The following NAA11 variants were observed in gnomAD, a reference collection of about 807,000 sequenced individuals.
NAA11 encodes the protein N-alpha-acetyltransferase 11.
NAA11 carries 15 observed loss-of-function variants against 16.1 expected under a neutral mutation model. The observed-to-expected ratio is 0.93, with a 90% CI of 0.62 to 1.44. The LOEUF (loss-of-function observed/expected upper bound fraction) is 1.44, where lower values mean the gene tolerates loss of function less well. Ranked by LOEUF, NAA11 falls within the 40% of genes most tolerant of loss-of-function variation. The probability of loss-of-function intolerance (pLI) is 0.00; values close to 1 mark genes in which losing one functional copy is unlikely to be tolerated. For missense variants in NAA11, 298 were observed against 291.3 expected (o/e 1.02, Z -0.17); for synonymous variants, 122 against 112.4 (o/e 1.09, Z -0.54).
At chr4:79,243,066 G>A (rs1248396342) in intron 2 of NAA11, among the ~76,000 whole-genome samples, 3 of 152,182 alleles carry the variant, frequency 2.0e-5, no homozygotes, top group African/African-American at 4.8e-5. Flanking sequence ...GTGATTTTCC[G>A]GAGTTGGGTC....
the NAA11 span, among the ~76,000 whole-genome samples, chr4:79,181,506 T>C: frequency 6.6e-6 from 1 of 152,172 alleles, no homozygotes; most frequent in East Asian, 1.9e-4. Context: ...AGGAAGAAAT[T>C]ACACACGCGG....
At chr4:79,187,861 C>T in the NAA11 span, among the ~76,000 whole-genome samples, 50 of 151,622 alleles carry the variant, frequency 3.3e-4, no homozygotes, top group Admixed American at 1.8e-3. Context: ...TAGCCGGGCA[C>T]GGTGGCGGGC....
At position 79,230,716 on chromosome 4, in the gene NAA11, T is replaced by C. The variant is rs78872791; in HGVS notation, c.*123-4446A>G. On this transcript the variant is annotated intron_variant and NMD_transcript_variant, in intron 2 of 2. Transcript: ENST00000511542. ...CAGTAATAACTAAAGGAGTTTTTTTTGCTTTCTTATCTGTTGTTTAATATC... is the reference window on the plus strand; with the variant it reads ...CAGTAATAACTAAAGGAGTTTTTTTCGCTTTCTTATCTGTTGTTTAATATC... Among the ~76,000 whole-genome samples, 53 of 152,080 alleles carry C rather than the reference T, an allele frequency of 3.5e-4. No individual in the cohort carries two copies. The South Asian group carries it at 5.4e-3, about 15-fold the overall frequency.
downstream of NAA11, among the ~76,000 whole-genome samples, chr4:79,222,803 A>C (rs1384975762): frequency 1.3e-5 from 2 of 149,558 alleles, no homozygotes; most frequent in African/African-American, 4.9e-5. Context: ...TACAAGAAAA[A>C]AACAAACAAC....
intron 2 of NAA11, among the ~76,000 whole-genome samples, chr4:79,238,465 AAGTG>A (rs1352572731): frequency 6.6e-6 from 1 of 152,214 alleles, no homozygotes; most frequent in East Asian, 1.9e-4. Context: ...CAGACAGAGT[AAGTG>A]AGGAACAGGT....
chr4:79,309,200 A>G (rs1182626078), intron 1 of NAA11, among the ~76,000 whole-genome samples: 1 of 152,216 alleles, frequency 6.6e-6, no homozygotes, highest in Non-Finnish European at 1.5e-5. Flanking sequence ...CTACCAAACT[A>G]GTCATTAATG....
chr4:79,232,266 A>T (rs1721483322), intron 2 of NAA11, among the ~76,000 whole-genome samples: 1 of 151,874 alleles, frequency 6.6e-6, no homozygotes, highest in African/African-American at 2.4e-5. Flanking sequence ...TTCCATAATA[A>T]AAGTTTTTTT....
chr4:79,256,652 A>ATATATATATATATATATATATATATATT (rs1722117866), intron 2 of NAA11, among the ~76,000 whole-genome samples: 1 of 27,420 alleles, frequency 3.6e-5, no homozygotes, highest in African/African-American at 8.6e-5. Flanking sequence ...ATAAATATAA[A>ATATATATATATATATATATATATATATT]TATATATATA....
intron 1 of NAA11, among the ~76,000 whole-genome samples, chr4:79,303,546 C>T (rs1723475034): frequency 6.6e-6 from 1 of 152,178 alleles, no homozygotes. Flanking sequence ...GGGAAAGGAA[C>T]ACAGTGCCAT....
chr4:79,217,715 T>C, the NAA11 span, among the ~76,000 whole-genome samples: 1 of 152,156 alleles, frequency 6.6e-6, no homozygotes, highest in African/African-American at 2.4e-5. Flanking sequence ...TTAGCTGATA[T>C]CAGTTGATGA....
the NAA11 span, among the ~76,000 whole-genome samples, chr4:79,170,497 T>C: frequency 1.8e-4 from 27 of 152,098 alleles, no homozygotes; most frequent in Admixed American, 1.7e-3. Flanking sequence ...GTTAATCAAG[T>C]GTATGCCAGG....
the NAA11 span, among the ~76,000 whole-genome samples, chr4:79,163,322 G>A: frequency 6.6e-6 from 1 of 152,192 alleles, no homozygotes; most frequent in African/African-American, 2.4e-5. Flanking sequence ...ACTGCGTGAG[G>A]CTTTGCTGTG....
Position 79,325,455 on chromosome 4 carries a change from C to T in NAA11, c.423G>A (p.Gly141=), listed in dbSNP as rs1165733245. The T allele has an allele frequency of 1.2e-6, 2 of 1,614,196 alleles. No homozygotes were observed. Among genetic ancestry groups the T allele is most frequent in the East Asian group, 2.2e-5 (1 of 44,876 alleles). The change falls in exon 1 of 2, where the codon GGG becomes GGA. Residue 141 remains glycine (G), a synonymous_variant. Coordinates refer to ENST00000286794, the MANE Select transcript of NAA11 (RefSeq NM_032693.3). The part of the protein sequence containing the change: ...SEVEPKYYAD[G]EDAYAMKRDL... ...CCCGCTTCATAGCATAAGCATCTTC[C>T]CCATCTGCATAGTATTTAGGTTCCA...
At chr4:79,230,654 C>G (rs1560691237) in intron 2 of NAA11, among the ~76,000 whole-genome samples, 1 of 151,986 alleles carries the variant, frequency 6.6e-6, no homozygotes, top group African/African-American at 2.4e-5. Context: ...ACAGAGACTG[C>G]TGCCCTGACA....
At chr4:79,160,143 C>T in the NAA11 span, among the ~76,000 whole-genome samples, 1 of 152,052 alleles carries the variant, frequency 6.6e-6, no homozygotes, top group South Asian at 2.1e-4. Flanking sequence ...AGGTGCCTGC[C>T]ACCATGCTCA....
intron 1 of NAA11, among the ~76,000 whole-genome samples, chr4:79,304,522 A>G (rs952594665): frequency 3.3e-5 from 5 of 152,218 alleles, no homozygotes; most frequent in Admixed American, 2.0e-4. Flanking sequence ...TGTTAGTTCT[A>G]TATTTCGGCA....
At chr4:79,302,746 ATC>A (rs1723429131) in intron 1 of NAA11, among the ~76,000 whole-genome samples, 1 of 152,054 alleles carries the variant, frequency 6.6e-6, no homozygotes, top group South Asian at 2.1e-4. Context: ...TTGCCACTTA[ATC>A]TCTTTTTCCC....
chr4:79,291,089 C>A (rs917818169), intron 2 of NAA11, among the ~76,000 whole-genome samples: 15 of 151,816 alleles, frequency 9.9e-5, no homozygotes, highest in Admixed American at 6.6e-5. Context: ...AAAATAGTAC[C>A]ATTTCTAGTA....
chr4:79,232,537 G>T (rs1721490950), intron 2 of NAA11, among the ~76,000 whole-genome samples: 2 of 151,872 alleles, frequency 1.3e-5, no homozygotes, highest in African/African-American at 4.8e-5. Flanking sequence ...GCAGATACCT[G>T]GGAAAGCCAG....
Sources: allele counts gnomAD v4.1 joint callset (sites outside exome capture counted in the v4.1 genomes callset), GRCh38; gene constraint gnomAD v4.1.1; transcripts MANE v1.5; gene names NCBI Gene and HGNC (gene_info 2026-07-23, HGNC 2026-07-21).